Variants in KXD1 observed in about 807,000 individuals in gnomAD.
The protein encoded by KXD1 is KxDL motif containing 1, also known as kxDL motif-containing protein 1.
A neutral mutation model predicts 12.1 loss-of-function variants in KXD1; 5 were observed. The ratio of observed to expected loss-of-function variants is 0.41; its 90% CI spans 0.22 to 0.87. The LOEUF (loss-of-function observed/expected upper bound fraction) is 0.87. KXD1 is among the 40% of genes least tolerant of loss of function. The pLI, the probability that KXD1 is intolerant of heterozygous loss-of-function variation, is 0.31. For missense variants in KXD1, 193 were observed against 244.9 expected, an observed-to-expected ratio of 0.79 and a Z score of 1.41; for synonymous variants, 98 against 100.5, an observed-to-expected ratio of 0.98 and a Z score of 0.15.
chr19:18,563,749 G>A (rs991132602), intron 2 of KXD1, among the ~76,000 whole-genome samples: 1 of 152,044 alleles, frequency 6.6e-6, no homozygotes, highest in Admixed American at 6.6e-5. Context: ...TGATCCGCCC[G>A]CCTCAGCCTC....
chr19:18,566,810 T>G (rs1398586352), intron 3 of KXD1, among the ~76,000 whole-genome samples: 1 of 151,854 alleles, frequency 6.6e-6, no homozygotes, highest in East Asian at 1.9e-4. Context: ...AAAAAAAAAT[T>G]TATCAGAGAA....
intron 4 of KXD1, 64 bp from the exon 5 acceptor site, chr19:18,568,338 A>G (rs1975362991): frequency 8.0e-7 from 1 of 1,254,016 alleles, no homozygotes; most frequent in African/African-American, 1.5e-5. Context: ...CACATGGACA[A>G]TAAGTCCTAC....
chr19:18,564,515 C>G (rs538798488), intron 2 of KXD1, among the ~76,000 whole-genome samples: 1 of 152,178 alleles, frequency 6.6e-6, no homozygotes, highest in South Asian at 2.1e-4. Flanking sequence ...CAGCTATACT[C>G]GGGAGGCTGA....
chr19:18,563,605 G>A (rs1323931778), intron 2 of KXD1, among the ~76,000 whole-genome samples: 4 of 151,690 alleles, frequency 2.6e-5, no homozygotes, highest in African/African-American at 9.7e-5. Context: ...CTGGGTTCAA[G>A]CGATTCTACT....
chr19:18,568,676 C>G lies in KXD1; in HGVS notation c.*45C>G, dbSNP rs763870724. On this transcript the variant is annotated 3_prime_UTR_variant, in exon 5 of 5. Transcript: ENST00000222307. ...GAGGGGGTCTCAGGGCAGCAGCATACAAGGTGGCAGCGGGTAACCCTGCCT... is the reference window on the plus strand; with the variant it reads ...GAGGGGGTCTCAGGGCAGCAGCATAGAAGGTGGCAGCGGGTAACCCTGCCT... 4.1e-6 allele frequency: 6 copies of G among 1,471,688 alleles called. No individual in the cohort carries two copies. Among genetic ancestry groups the G allele is most frequent in the Non-Finnish European group, 5.6e-6 (6 of 1,068,528 alleles). The allele number at this position is 1,471,688 out of a possible 1,614,324, so 91.2% of individuals were successfully genotyped here.
intron 4 of KXD1, chr19:18,567,463 C>T: frequency 4.2e-6 from 3 of 708,298 alleles, no homozygotes; most frequent in Non-Finnish European, 7.7e-6. Context: ...TGAGCCATCT[C>T]AGAACAGAGC....
intron 2 of KXD1, among the ~76,000 whole-genome samples, chr19:18,563,437 C>T (rs1975030087): frequency 1.3e-5 from 2 of 151,738 alleles, no homozygotes; most frequent in Admixed American, 6.6e-5. Context: ...TCCTCTGCCT[C>T]CTGGGTCAAG....
intron 2 of KXD1, among the ~76,000 whole-genome samples, chr19:18,564,494 G>A (rs569665371): frequency 5.4e-4 from 82 of 152,170 alleles, no homozygotes; most frequent in African/African-American, 1.9e-3. Context: ...GGTGGCGGAC[G>A]CCTGTAGTCC....
chr19:18,565,252 C>T lies in KXD1; in HGVS notation c.254+231C>T, dbSNP rs566699018. 595 of 1,150,980 alleles carry T rather than the reference C, an allele frequency of 5.2e-4. 1 individual carries two copies. The highest frequency in any genetic ancestry group is 6.1e-4 in the Non-Finnish European group (534 of 877,454). The allele number at this position is 1,150,980 out of a possible 1,614,324, so 71.3% of individuals were successfully genotyped here. A position where few individuals can be genotyped will look rare whatever the true frequency, so the allele number is the denominator to read the frequency against. On this transcript the variant is annotated intron_variant, in intron 3 of 4. Coordinates refer to ENST00000222307, the MANE Select transcript of KXD1 (RefSeq NM_024069.4). ...AGAGTTTTTTTTTTTTTTTTGGAGA[C>T]GGAGTCTCGCTCTGTTGCCCAGGCT... is the stretch of plus-strand genomic sequence containing the variant.
chr19:18,558,946 A>G (rs1221387988), intron 1 of KXD1: 1 of 142,936 alleles, frequency 7.0e-6, no homozygotes, highest in East Asian at 2.1e-4. Flanking sequence ...TCTCACTGGT[A>G]CTAGCTATGG....
intron 3 of KXD1, 55 bp downstream of exon 3, chr19:18,565,076 T>C: frequency 6.3e-7 from 1 of 1,585,500 alleles, no homozygotes; most frequent in Non-Finnish European, 8.6e-7. Context: ...CCTCCCCATC[T>C]GAGCCTCAGT....
chr19:18,561,220 T>C lies in KXD1; in HGVS notation c.-21-816T>C, dbSNP rs112031570. ...GAATTTAAGAGCAGCCTAGGCAACA[T>C]AGCGAGACCCTGTCTCTTAACAAAC... On this transcript the variant is annotated intron_variant, in intron 1 of 4. Transcript: ENST00000222307. Among the ~76,000 whole-genome samples, 46 of 152,020 alleles carry C rather than the reference T, an allele frequency of 3.0e-4. 2 individuals carry two copies. The highest frequency in any genetic ancestry group is 1.1e-3 in the African/African-American group (45 of 41,484).
chr19:18,564,802 T>G (rs62137086), intron 2 of KXD1, 67 bp from the exon 3 acceptor site: 861,967 of 1,578,394 alleles, frequency 0.55, 242,273 homozygotes, highest in East Asian at 0.66. Flanking sequence ...ATGAACAGTC[T>G]TCTGGGCCAG....
chr19:18,566,247 A>G (rs62137090), intron 3 of KXD1, among the ~76,000 whole-genome samples: 74,623 of 151,276 alleles, frequency 0.49, 19,538 homozygotes, highest in East Asian at 0.65. Flanking sequence ...TCAGGAGATC[A>G]AGACCATCCC....
At chr19:18,567,277 G>C in intron 4 of KXD1, 99 bp downstream of exon 4, 1 of 1,230,974 alleles carries the variant, frequency 8.1e-7, no homozygotes, top group Non-Finnish European at 1.2e-6. Context: ...CTGAGACCAG[G>C]CTGTAATGGG....
intron 1 of KXD1, chr19:18,559,840 A>G (rs1169518205): frequency 6.6e-6 from 1 of 152,058 alleles, no homozygotes; most frequent in Non-Finnish European, 1.5e-5. Context: ...TAAATGGGAG[A>G]GTACATTAAG....
chr19:18,566,478 A>G (rs1975242398), intron 3 of KXD1, among the ~76,000 whole-genome samples: 2 of 150,282 alleles, frequency 1.3e-5, no homozygotes, highest in South Asian at 2.1e-4. Context: ...AAAGTAACAT[A>G]GTGCTAGACA....
At position 18,564,934 on chromosome 19, in the gene KXD1, T is replaced by C. The variant is rs1422265317; in HGVS notation, c.167T>C (p.Leu56Pro). The C allele has an allele frequency of 6.2e-7, 1 of 1,613,652 alleles. No individual in the cohort carries two copies. Among genetic ancestry groups the C allele is most frequent in the Admixed American group, 1.7e-5 (1 of 60,022 alleles). ...LNFNNLSSARLQQMSERFLHH... is the reference protein window; with the variant it reads ...LNFNNLSSARPQQMSERFLHH... The stretch of plus-strand genomic sequence containing the variant: ...TTCAACAACCTGTCCAGTGCCCGCC[T>C]GCAGCAGATGAGCGAACGCTTCCTG... Residue 56 changes from leucine to proline, a missense_variant, in exon 3 of 5, where the codon CTG becomes CCG. Transcript: ENST00000222307.
In KXD1 at chr19:18,563,020, C is replaced by G. The variant is rs187150436; in HGVS notation, c.101+863C>G. Among the ~76,000 whole-genome samples the G allele has an allele frequency of 3.5e-3, 527 of 152,370 alleles. 3 individuals carry two copies. The highest frequency in any genetic ancestry group is 9.8e-3 in the African/African-American group (407 of 41,600). On this transcript the variant is annotated intron_variant, in intron 2 of 4. Coordinates refer to ENST00000222307, the MANE Select transcript of KXD1 (RefSeq NM_024069.4). ...ATGTGGGCCAACACAAATTCGTAAACTTTCTTAAAACATTACGAGATTTTT... is the reference window on the plus strand; with the variant it reads ...ATGTGGGCCAACACAAATTCGTAAAGTTTCTTAAAACATTACGAGATTTTT...
Sources: allele counts gnomAD v4.1 joint callset (sites outside exome capture counted in the v4.1 genomes callset), GRCh38; gene constraint gnomAD v4.1.1; transcripts MANE v1.5; gene names NCBI Gene and HGNC (gene_info 2026-07-23, HGNC 2026-07-21).